ARFGAP1: variants seen among roughly 807,000 people sequenced by gnomAD.
ARFGAP1 encodes ADP-ribosylation factor GTPase-activating protein 1.
Under a neutral mutation model 54.0 loss-of-function variants are expected in ARFGAP1, and 26 were observed. The observed-to-expected ratio is 0.48, with a 90% confidence interval of 0.35 to 0.67. The LOEUF (loss-of-function observed/expected upper bound fraction) is 0.67. ARFGAP1 is among the 30% of genes least tolerant of loss of function. The pLI is 0.00. For synonymous variants in ARFGAP1, 248 were observed against 211.9 expected, an observed-to-expected ratio of 1.17 and a Z score of -1.48; for missense variants, 525 against 535.8, an observed-to-expected ratio of 0.98 and a Z score of 0.20.
chr20:63,286,296 T>C, intron 11 of ARFGAP1, 70 bp from the exon 12 acceptor site: 1 of 1,600,876 alleles, frequency 6.2e-7, no homozygotes, highest in Non-Finnish European at 8.5e-7. Flanking sequence ...CCGGCTTGCG[T>C]GTGGGGGCCT....
In ARFGAP1 at chr20:63,272,931, G is replaced by C. The variant is rs930902351; in HGVS notation, c.-5+11G>C. On this transcript the variant is annotated intron_variant, in intron 1 of 12. Coordinates refer to ENST00000370283, the MANE Select transcript of ARFGAP1 (RefSeq NM_018209.4). ...CGCCCCTCCCTCCAGGTAAGCGCGCGGCTCGGCGGCGCGGGCTCGGCCTGA... is the reference window on the plus strand; with the variant it reads ...CGCCCCTCCCTCCAGGTAAGCGCGCCGCTCGGCGGCGCGGGCTCGGCCTGA... The C allele has an allele frequency of 2.5e-4, 38 of 151,098 alleles. No individual in the cohort carries two copies. The highest frequency in any genetic ancestry group is 8.7e-4 in the African/African-American group (36 of 41,214). The allele number at this position is 151,098 out of a possible 1,614,324, so 9.4% of individuals were successfully genotyped here. A position where few individuals can be genotyped will look rare whatever the true frequency, so the allele number is the denominator to read the frequency against.
chr20:63,281,673 C>T lies in ARFGAP1; in HGVS notation c.684+326C>T, dbSNP rs1179237528. ...ACCCTATCCAAGCAGGGCAGGTCTC[C>T]GGCACCCTGTGCCCTGGAGCTTCTT... On this transcript the variant is annotated intron_variant, in intron 8 of 12. Coordinates refer to ENST00000370283, the MANE Select transcript of ARFGAP1 (RefSeq NM_018209.4). 7.9e-5 allele frequency among the ~76,000 whole-genome samples: 12 copies of T among 152,274 alleles called. 1 individual carries two copies. The highest frequency in any genetic ancestry group is 6.2e-4 in the South Asian group (3 of 4,828).
At chr20:63,278,539 G>A in intron 6 of ARFGAP1, 1 of 458,866 alleles carries the variant, frequency 2.2e-6, no homozygotes, top group South Asian at 2.4e-5. Flanking sequence ...TGGGTGTAGA[G>A]AAGCGCTAAC....
intron 9 of ARFGAP1, chr20:63,284,029 C>G (rs987144752): frequency 6.8e-7 from 1 of 1,464,600 alleles, no homozygotes; most frequent in Admixed American, 2.3e-5. Flanking sequence ...GTCCGTGGCT[C>G]TCCTTTAAGA....
At chr20:63,286,044 G>T in intron 11 of ARFGAP1, 1 of 1,548,926 alleles carries the variant, frequency 6.5e-7, no homozygotes, top group Non-Finnish European at 8.7e-7. Flanking sequence ...CGTGCATTTT[G>T]TCCTGTTTCC....
At chr20:63,285,388 G>C in intron 10 of ARFGAP1, 1 of 557,280 alleles carries the variant, frequency 1.8e-6, no homozygotes, top group Non-Finnish European at 3.2e-6. Flanking sequence ...ACCTGGGGCA[G>C]CGTGGGCTGT....
At chr20:63,281,917 C>T (rs80001097) in intron 8 of ARFGAP1, among the ~76,000 whole-genome samples, 8,798 of 152,176 alleles carry the variant, frequency 0.058, 327 homozygotes, top group Middle Eastern at 0.11. Context: ...CGCGGGGCAG[C>T]TGGGTGCCTG....
chr20:63,277,339 C>A, intron 5 of ARFGAP1, 34 bp downstream of exon 5: 1 of 1,575,370 alleles, frequency 6.3e-7, no homozygotes. Flanking sequence ...AGTACAGTTT[C>A]CACTGGGTCC....
intron 9 of ARFGAP1, 61 bp from the exon 10 acceptor site, chr20:63,284,805 C>T (rs1289906108): frequency 6.2e-7 from 1 of 1,601,524 alleles, no homozygotes; most frequent in Admixed American, 1.7e-5. Context: ...TGTGCTGCCA[C>T]TGCCGACCCG....
At chr20:63,282,537 G>T (rs932071523) in intron 8 of ARFGAP1, among the ~76,000 whole-genome samples, 3 of 152,228 alleles carry the variant, frequency 2.0e-5, no homozygotes, top group Non-Finnish European at 4.4e-5. Context: ...TGGAGGATGG[G>T]GTTGGCCCTG....
At position 63,283,648 on chromosome 20, in the gene ARFGAP1, A is replaced by G. The variant is rs1601358631; in HGVS notation, c.717+797A>G. ...TTTTCGTGGGCCTCCCAGGGTCCTG[A>G]GGTGCAGTCGCTCGCGCAGTTTCTG... On this transcript the variant is annotated intron_variant, in intron 9 of 12. Transcript: ENST00000370283. 20 of 527,194 alleles carry G rather than the reference A, an allele frequency of 3.8e-5. No individual in the cohort carries two copies. The East Asian group carries it at 6.6e-4, about 17-fold the overall frequency. 32.7% of individuals were successfully genotyped at this position (527,194 alleles called of 1,614,324 possible).
chr20:63,285,917 C>A, intron 11 of ARFGAP1: 1 of 1,472,812 alleles, frequency 6.8e-7, no homozygotes, highest in Non-Finnish European at 9.1e-7. Flanking sequence ...CGGTCAGCCA[C>A]TAACTGTCAC....
rs776837439 is a variant in ARFGAP1, at chr20:63,287,889, C to T, written c.*16C>T. 53 of 1,495,700 alleles carry T rather than the reference C, an allele frequency of 3.5e-5. No individual in the cohort carries two copies. Among genetic ancestry groups the T allele is most frequent in the East Asian group, 1.2e-4 (5 of 40,670 alleles). The allele number at this position is 1,495,700 out of a possible 1,614,324, so 92.7% of individuals were successfully genotyped here. A position where few individuals can be genotyped will look rare whatever the true frequency, so the allele number is the denominator to read the frequency against. ...GAACTGGTAGGGCCCACTGCGCCCC[C>T]GTCCCCAGCGCCCCCGGGCGACTTC... is the stretch of plus-strand genomic sequence containing the variant. On this transcript the variant is annotated 3_prime_UTR_variant, in exon 13 of 13. Coordinates refer to ENST00000370283, the MANE Select transcript of ARFGAP1 (RefSeq NM_018209.4).
At chr20:63,283,660 T>C (rs2067445104) in intron 9 of ARFGAP1, 1 of 572,256 alleles carries the variant, frequency 1.7e-6, no homozygotes, top group Admixed American at 3.5e-5. Context: ...GTGCAGTCGC[T>C]CGCGCAGTTT....
At chr20:63,286,065 C>T (rs994528295) in intron 11 of ARFGAP1, 11 of 1,549,730 alleles carry the variant, frequency 7.1e-6, no homozygotes, top group Middle Eastern at 1.7e-4. Flanking sequence ...TGGCATGAGG[C>T]GCTCTGCGGA....
intron 7 of ARFGAP1, among the ~76,000 whole-genome samples, chr20:63,279,496 G>A (rs1463611892): frequency 6.6e-6 from 1 of 152,120 alleles, no homozygotes; most frequent in East Asian, 1.9e-4. Flanking sequence ...GTGAGCCACC[G>A]TGCCCGGCCA....
chr20:63,279,199 CTT>C (rs758984547), intron 7 of ARFGAP1: 8,068 of 539,838 alleles, frequency 0.015, no homozygotes, highest in East Asian at 0.024. Flanking sequence ...CAATCACTTC[CTT>C]TTTTTTTTTT....
At position 63,282,221 on chromosome 20, in the gene ARFGAP1, C is replaced by T. The variant is rs1014695104; in HGVS notation, c.685-598C>T. Among the ~76,000 whole-genome samples, 15 of 152,352 alleles carry T rather than the reference C, an allele frequency of 9.8e-5. No individual in the cohort carries two copies. The East Asian group carries it at 1.2e-3, about 12-fold the overall frequency. On this transcript the variant is annotated intron_variant, in intron 8 of 12. Transcript: ENST00000370283. Reference sequence around the variant, plus strand: ...CCAGGTGTCCACGCTCCAGCTCCCACGGCCCCGTGACTTTGCCGAGCGTCA... The same window carrying T: ...CCAGGTGTCCACGCTCCAGCTCCCATGGCCCCGTGACTTTGCCGAGCGTCA...
chr20:63,273,235 G>T (rs1346541851), intron 1 of ARFGAP1: 1 of 151,494 alleles, frequency 6.6e-6, no homozygotes, highest in Non-Finnish European at 1.5e-5. Flanking sequence ...TCTCCCACCG[G>T]TTACGGGAGT....
Sources: allele counts gnomAD v4.1 joint callset (sites outside exome capture counted in the v4.1 genomes callset), GRCh38; gene constraint gnomAD v4.1.1; transcripts MANE v1.5; gene names NCBI Gene and HGNC (gene_info 2026-07-23, HGNC 2026-07-21).